The following SEMA4B variants were observed in gnomAD, a reference collection of about 807,000 sequenced individuals.
SEMA4B encodes the protein semaphorin 4B.
SEMA4B carries 55 observed loss-of-function variants against 88.1 expected under a neutral mutation model. The observed-to-expected ratio is 0.62, with a 90% CI of 0.50 to 0.78. The LOEUF (loss-of-function observed/expected upper bound fraction) is 0.78. SEMA4B is among the 30% of genes least tolerant of loss of function. The pLI is 0.00. For synonymous variants in SEMA4B, 525 were observed against 473.6 expected (o/e 1.11, Z -1.41); for missense variants, 1,062 against 1,111.9 (o/e 0.96, Z 0.64).
At chr15:90,206,927 C>T in intron 1 of SEMA4B, 1 of 653,544 alleles carries the variant, frequency 1.5e-6, no homozygotes, top group South Asian at 1.5e-5. Context: ...GAGTCTCAGG[C>T]CAAGCATGTC....
rs571499067 is a variant in SEMA4B, at chr15:90,224,490, G to A, written c.1195-478G>A. On this transcript the variant is annotated intron_variant, in intron 9 of 13. Coordinates refer to ENST00000411539, the MANE Select transcript of SEMA4B (RefSeq NM_198925.4). ...GGAGGAGGGAGGGAAACCAAAAGAG[G>A]GTGTGTCAGCACGCTGTTGTTGCTG... Among the ~76,000 whole-genome samples, 22 of 152,336 alleles carry A rather than the reference G, an allele frequency of 1.4e-4. 1 individual carries two copies. In the South Asian group the frequency reaches 4.4e-3, roughly 30 times the overall value.
chr15:90,189,868 C>T (rs911889915), intron 1 of SEMA4B, among the ~76,000 whole-genome samples: 12 of 152,222 alleles, frequency 7.9e-5, no homozygotes, highest in Non-Finnish European at 1.0e-4. Flanking sequence ...GGGGTCCCTG[C>T]TCTGCTGCAC....
intron 1 of SEMA4B, among the ~76,000 whole-genome samples, chr15:90,191,634 C>G (rs564786226): frequency 5.7e-4 from 87 of 152,312 alleles, no homozygotes; most frequent in African/African-American, 2.1e-3. Flanking sequence ...GACAGAAGAA[C>G]CTGTGTGCTC....
chr15:90,219,620 C>A (rs1961701652), intron 3 of SEMA4B, 173 bp from the exon 4 acceptor site: 5 of 598,016 alleles, frequency 8.4e-6, no homozygotes, highest in Non-Finnish European at 1.5e-5. Context: ...ACACTCTGTG[C>A]ACGCTCCACT....
chr15:90,205,731 C>CTAGA (rs1960956076), intron 1 of SEMA4B, among the ~76,000 whole-genome samples: 1 of 152,242 alleles, frequency 6.6e-6, no homozygotes, highest in African/African-American at 2.4e-5. Flanking sequence ...TTTTTGTGCA[C>CTAGA]ACTGGTGGTA....
At chr15:90,223,112 T>G (rs966329700) in intron 7 of SEMA4B, among the ~76,000 whole-genome samples, 3 of 152,030 alleles carry the variant, frequency 2.0e-5, no homozygotes, top group Admixed American at 6.6e-5. Flanking sequence ...ACTACCAGCA[T>G]GCACCACCAT....
At chr15:90,217,392 C>A in intron 1 of SEMA4B, 47 bp from the exon 2 acceptor site, 1 of 1,575,182 alleles carries the variant, frequency 6.3e-7, no homozygotes, top group Non-Finnish European at 8.6e-7. Context: ...TAAGAGGCTT[C>A]CCATGGGAGG....
chr15:90,196,806 G>C (rs1960524271), upstream of SEMA4B, among the ~76,000 whole-genome samples: 1 of 152,074 alleles, frequency 6.6e-6, no homozygotes. Context: ...TTATTAACCA[G>C]CATTTTTTGG....
chr15:90,201,200 G>A (rs1960694998), upstream of SEMA4B: 1 of 523,830 alleles, frequency 1.9e-6, no homozygotes, highest in Admixed American at 6.3e-5. Flanking sequence ...ACTGATCCCG[G>A]GCTTGGCCCC....
At chr15:90,187,291 C>A (rs571822750) in intron 1 of SEMA4B, among the ~76,000 whole-genome samples, 1 of 152,178 alleles carries the variant, frequency 6.6e-6, no homozygotes, top group Non-Finnish European at 1.5e-5. Flanking sequence ...GGTGCTGTTT[C>A]CTTTGAAAGG....
intron 1 of SEMA4B, among the ~76,000 whole-genome samples, chr15:90,194,072 G>A (rs912522467): frequency 4.0e-5 from 6 of 151,806 alleles, no homozygotes; most frequent in Non-Finnish European, 5.9e-5. Flanking sequence ...GGCTGGTTTC[G>A]AACTCCTGAC....
chr15:90,221,060 G>T lies in SEMA4B; in HGVS notation c.562G>T (p.Asp188Tyr), dbSNP rs758326798. The T allele has an allele frequency of 6.2e-7, 1 of 1,609,644 alleles. No individual in the cohort carries two copies. Among genetic ancestry groups the T allele is most frequent in the South Asian group, 1.1e-5 (1 of 89,780 alleles). The part of the protein sequence containing the change: ...LEDGKGRCPF[D>Y]PNFKSTALVV... ...AGATGGCAAGGGCCGTTGTCCCTTC[G>T]ACCCGAATTTCAAGTCCACTGCCCT... Residue 188 changes from aspartate (D) to tyrosine (Y), a missense_variant, in exon 5 of 14, where the codon GAC becomes TAC. Transcript: ENST00000411539.
chr15:90,191,038 C>T (rs943970417), intron 1 of SEMA4B, among the ~76,000 whole-genome samples: 14 of 152,196 alleles, frequency 9.2e-5, no homozygotes, highest in Non-Finnish European at 1.5e-4. Context: ...AGGCAGACAG[C>T]GCCTCCTGAA....
chr15:90,194,253 C>G (rs2151585918), intron 1 of SEMA4B, among the ~76,000 whole-genome samples: 2 of 152,156 alleles, frequency 1.3e-5, no homozygotes, highest in Middle Eastern at 3.4e-3. Flanking sequence ...TTGATCAGGC[C>G]AGGCGTGGTG....
rs991714345 is a variant in SEMA4B at position 90,212,677 on chromosome 15, G to A, written c.158-4762G>A. On this transcript the variant is annotated intron_variant, in intron 1 of 13. Coordinates refer to ENST00000411539, the MANE Select transcript of SEMA4B (RefSeq NM_198925.4). The surrounding 1 kb of genome is among the most constrained non-coding windows in gnomAD (Gnocchi z 4.0). ...ACACACACACACACACCACAGGCAAGCTCAGGCAGGGTCCTTCACAGACGT... is the reference window on the plus strand; with the variant it reads ...ACACACACACACACACCACAGGCAAACTCAGGCAGGGTCCTTCACAGACGT... Among the ~76,000 whole-genome samples, 2 of 151,902 alleles carry A rather than the reference G, an allele frequency of 1.3e-5. No homozygotes were observed. Among genetic ancestry groups the A allele is most frequent in the African/African-American group, 4.8e-5 (2 of 41,314 alleles).
Position 90,223,912 on chromosome 15 carries a change from T to G in SEMA4B, c.1118T>G (p.Leu373Arg), listed in dbSNP as rs889045725. Residue 373 changes from leucine to arginine, a missense_variant, in exon 9 of 14, where the codon CTC (leucine) becomes CGC (arginine). Physicochemically the swap from Leu to Arg is moderately radical, Grantham distance 102. Coordinates refer to ENST00000411539, the MANE Select transcript of SEMA4B (RefSeq NM_198925.4). ...MKDVQRVFSG[L>R]YKEVNRETQQ... ...GATGTGCAGAGAGTCTTCAGCGGCCTCTACAAGGAGGTGAACCGTGAGACA... is the reference window on the plus strand; with the variant it reads ...GATGTGCAGAGAGTCTTCAGCGGCCGCTACAAGGAGGTGAACCGTGAGACA... 1.9e-6 allele frequency: 3 copies of G among 1,613,768 alleles called. No homozygotes were observed. In the African/African-American group the frequency reaches 4.0e-5, roughly 22 times the overall value.
At chr15:90,198,085 C>T (rs1461134057), upstream of SEMA4B, among the ~76,000 whole-genome samples, 3 of 151,838 alleles carry the variant, frequency 2.0e-5, no homozygotes, top group Admixed American at 1.3e-4. Flanking sequence ...CACCACTGTG[C>T]CCGGCTAATT....
intron 1 of SEMA4B, among the ~76,000 whole-genome samples, chr15:90,195,924 C>CTTTTTTTTTTT (rs776885861): frequency 0.01 from 799 of 76,604 alleles, 23 homozygotes; most frequent in African/African-American, 0.033. Flanking sequence ...TTGTACTTCT[C>CTTTTTTTTTTT]TTTTTTTTTT....
chr15:90,209,855 G>T (rs924304111), intron 1 of SEMA4B, among the ~76,000 whole-genome samples: 1 of 152,158 alleles, frequency 6.6e-6, no homozygotes, highest in Admixed American at 6.5e-5. Context: ...CCCTTGAGTT[G>T]CAGTTCCATG....
Sources: allele counts gnomAD v4.1 joint callset (sites outside exome capture counted in the v4.1 genomes callset), GRCh38; gene constraint gnomAD v4.1.1; non-coding constraint Gnocchi (gnomAD v3.1); transcripts MANE v1.5; gene names NCBI Gene and HGNC (gene_info 2026-07-23, HGNC 2026-07-21).